Variants in RTL9 observed in about 807,000 individuals in gnomAD.
RTL9 encodes the protein retrotransposon Gag-like protein 9.
Under a neutral mutation model 44.7 loss-of-function variants are expected in RTL9, and 19 were observed. That is an observed-to-expected ratio of 0.42 (90% CI 0.30 to 0.62). RTL9 has a LOEUF of 0.62. Ranked by LOEUF, RTL9 falls within the 20% of genes least tolerant of loss-of-function variation. The pLI is 0.16. For synonymous variants in RTL9, 407 were observed against 398.9 expected, an observed-to-expected ratio of 1.02 and a Z score of -0.24; for missense variants, 1,105 against 1,080.6, an observed-to-expected ratio of 1.02 and a Z score of -0.32.
chrX:110,452,924 A>G (rs757823118), exon 1 of RTL9: 19 of 1,210,019 alleles, frequency 1.6e-5, no homozygotes, highest in African/African-American at 3.5e-5. Context: ...CAATGTCCAC[A>G]CCACTAATGA....
chrX:110,421,451 G>A (rs969473499), intron 1 of RTL9, among the ~76,000 whole-genome samples: 2 of 112,660 alleles, frequency 1.8e-5, no homozygotes, highest in Admixed American at 9.3e-5. Flanking sequence ...ACGGGTCAGA[G>A]TTGTGTTGCG....
chrX:110,366,877 C>T (rs1407672648), intron 1 of RTL9, among the ~76,000 whole-genome samples: 1 of 112,160 alleles, frequency 8.9e-6, no homozygotes, highest in East Asian at 2.8e-4. Context: ...TCCATTCATT[C>T]TTGAATGCTC....
chrX:110,397,811 G>A (rs1453283229), intron 1 of RTL9, among the ~76,000 whole-genome samples: 1 of 111,791 alleles, frequency 8.9e-6, no homozygotes, highest in African/African-American at 3.2e-5. Context: ...ACTTGGGGGG[G>A]CAAACAGGCC....
At chrX:110,435,139 A>C (rs2068828896) in intron 1 of RTL9, among the ~76,000 whole-genome samples, 1 of 73,423 alleles carries the variant, frequency 1.4e-5, no homozygotes, top group Non-Finnish European at 2.6e-5. Context: ...AGGGGGAAGA[A>C]GGAGGGAGTG....
At chrX:110,426,140 A>G (rs1202247738) in intron 1 of RTL9, among the ~76,000 whole-genome samples, 1 of 112,287 alleles carries the variant, frequency 8.9e-6, no homozygotes, top group Non-Finnish European at 1.9e-5. Flanking sequence ...ATGCTATTAA[A>G]TTTAACCTAA....
intron 1 of RTL9, among the ~76,000 whole-genome samples, chrX:110,409,018 G>C (rs1478444644): frequency 8.9e-6 from 1 of 111,820 alleles, no homozygotes; most frequent in Admixed American, 9.5e-5. Context: ...ACACCACTGT[G>C]CTAGCCTGAT....
chrX:110,445,924 A>G (rs10521528), upstream of RTL9, among the ~76,000 whole-genome samples: 49,880 of 110,277 alleles, frequency 0.45, 9,493 homozygotes, highest in African/African-American at 0.67. Flanking sequence ...TGGCTTTAAT[A>G]GAACGGAAGT....
At chrX:110,452,898 G>A (rs1434288432) in exon 1 of RTL9, 1 of 1,209,971 alleles carries the variant, frequency 8.3e-7, no homozygotes, top group African/African-American at 1.8e-5. Flanking sequence ...AACAGTGAGA[G>A]CCTGGACCTC....
chrX:110,408,643 C>G (rs2068619605), intron 1 of RTL9, among the ~76,000 whole-genome samples: 1 of 112,396 alleles, frequency 8.9e-6, no homozygotes, highest in South Asian at 3.7e-4. Flanking sequence ...CACACAGACT[C>G]ATTCACCATT....
intron 1 of RTL9, among the ~76,000 whole-genome samples, chrX:110,360,515 G>C (rs1239620370): frequency 9.0e-6 from 1 of 111,566 alleles, no homozygotes; most frequent in Non-Finnish European, 1.9e-5. Context: ...GGACAGAATT[G>C]AGTTATATTT....
rs184314515 is a variant in RTL9 at position 110,376,753 on chromosome X, C to T, written c.-168+17837C>T. ...TGAACAAATCACTTAAACCTCCCTGCGACTGTTCTGTCATCTAGAATATGA... is the reference window on the plus strand; with the variant it reads ...TGAACAAATCACTTAAACCTCCCTGTGACTGTTCTGTCATCTAGAATATGA... On this transcript the variant is annotated intron_variant, in intron 1 of 2. Coordinates refer to the RTL9 transcript ENST00000520821. 1.8e-3 allele frequency among the ~76,000 whole-genome samples: 203 copies of T among 112,593 alleles called. 2 individuals are homozygous for T. Among genetic ancestry groups the T allele is most frequent in the African/African-American group, 4.1e-3 (127 of 31,011 alleles).
At chrX:110,391,256 C>T (rs980800083) in intron 1 of RTL9, among the ~76,000 whole-genome samples, 5 of 111,553 alleles carry the variant, frequency 4.5e-5, no homozygotes, top group Non-Finnish European at 9.4e-5. Context: ...CAATTCTGAG[C>T]TACAATTGAG....
intron 1 of RTL9, among the ~76,000 whole-genome samples, chrX:110,370,649 A>G (rs1318641438): frequency 8.9e-6 from 1 of 112,424 alleles, no homozygotes; most frequent in Admixed American, 9.4e-5. Context: ...GGCTTTCCCT[A>G]CATGCTGTAA....
At chrX:110,361,074 C>T (rs913534231) in intron 1 of RTL9, among the ~76,000 whole-genome samples, 1 of 110,605 alleles carries the variant, frequency 9.0e-6, no homozygotes, top group Non-Finnish European at 1.9e-5. Flanking sequence ...TAATAGGTAT[C>T]TCCAACTTAC....
At chrX:110,382,889 C>T (rs373442159) in intron 1 of RTL9, among the ~76,000 whole-genome samples, 20 of 111,796 alleles carry the variant, frequency 1.8e-4, no homozygotes, top group African/African-American at 6.5e-4. Flanking sequence ...TTAGATCTGC[C>T]CCAGTATTGA....
At chrX:110,434,337 C>T (rs2068820195) in intron 1 of RTL9, among the ~76,000 whole-genome samples, 1 of 111,349 alleles carries the variant, frequency 9.0e-6, no homozygotes, top group African/African-American at 3.3e-5. Flanking sequence ...TCGGGACAGA[C>T]TAGGAAGACA....
intron 1 of RTL9, among the ~76,000 whole-genome samples, chrX:110,377,008 A>C (rs1412645975): frequency 1.8e-5 from 2 of 111,844 alleles, no homozygotes; most frequent in Non-Finnish European, 3.8e-5. Context: ...AGTGCTACTA[A>C]CTACAGCACT....
intron 1 of RTL9, among the ~76,000 whole-genome samples, chrX:110,378,001 T>C (rs1602946781): frequency 1.5e-5 from 1 of 65,109 alleles, no homozygotes; most frequent in Non-Finnish European, 2.5e-5. Context: ...AGAGCGAGAC[T>C]CCGTCTCAAA....
In RTL9 at chrX:110,452,440, C is replaced by T. The variant is rs143942191; in HGVS notation, c.1823C>T (p.Ser608Phe). 2.1e-5 allele frequency: 25 copies of T among 1,209,607 alleles called. No homozygotes were observed. Among genetic ancestry groups the T allele is most frequent in the Non-Finnish European group, 2.6e-5 (23 of 895,124 alleles). ...GTGATGTCCTGTCCACAAATGAGAT[C>T]TCTGGCCTCTGGAGCATTGTCCAAG... Residue 608 changes from serine to phenylalanine, a missense_variant, in exon 1 of 2, where the codon TCT becomes TTT. By Grantham distance (155) the Ser-to-Phe change is radical. Transcript: ENST00000540313.
Sources: allele counts gnomAD v4.1 joint callset (sites outside exome capture counted in the v4.1 genomes callset), GRCh38; gene constraint gnomAD v4.1.1; transcripts MANE v1.5; gene names NCBI Gene and HGNC (gene_info 2026-07-23, HGNC 2026-07-21).